CHSY3: variants seen among roughly 807,000 people sequenced by gnomAD.
CHSY3 encodes chondroitin sulfate synthase 3.
In CHSY3, 35 loss-of-function variants were observed where a neutral mutation model predicts 67.2. That is an observed-to-expected ratio of 0.52 (90% CI 0.40 to 0.69). The LOEUF (loss-of-function observed/expected upper bound fraction) is 0.69. CHSY3 is among the 30% of genes least tolerant of loss of function. The pLI, the probability that CHSY3 is intolerant of heterozygous loss-of-function variation, is 0.00. For missense variants in CHSY3, 1,069 were observed against 1,138.5 expected (o/e 0.94, Z 0.88); for synonymous variants, 474 against 434.7 (o/e 1.09, Z -1.12).
In CHSY3 at chr5:129,905,001, G is replaced by A. The variant is rs753796604; in HGVS notation, c.172G>A (p.Gly58Ser). The A allele has an allele frequency of 7.7e-6, 12 of 1,566,124 alleles. No individual in the cohort carries two copies. The highest frequency in any genetic ancestry group is 1.7e-4 in the Middle Eastern group (1 of 5,768). ...YGRSAAGPRA[G>S]AQQPLPQPQS... ...TCGCTCTGCTGCTGGCCCCCGCGCC[G>A]GCGCTCAGCAGCCGCTCCCCCAGCC... is the stretch of plus-strand genomic sequence containing the variant. Residue 58 changes from glycine to serine, a missense_variant, in exon 1 of 3, where the codon GGC becomes AGC. Physicochemically the swap from Gly to Ser is moderately conservative, Grantham distance 56. Coordinates refer to ENST00000305031, the MANE Select transcript of CHSY3 (RefSeq NM_175856.5).
At chr5:129,904,301 G>T (rs1359837609), upstream of CHSY3, among the ~76,000 whole-genome samples, 2 of 152,086 alleles carry the variant, frequency 1.3e-5, no homozygotes, top group Non-Finnish European at 2.9e-5. Context: ...GTCCAAGGGC[G>T]GGTGACGGGG....
intron 2 of CHSY3, among the ~76,000 whole-genome samples, chr5:130,093,167 C>A (rs1376079252): frequency 6.6e-6 from 1 of 152,068 alleles, no homozygotes; most frequent in African/African-American, 2.4e-5. Flanking sequence ...AGAGAGTTTT[C>A]TTATGACTAC....
chr5:130,163,346 AT>A (rs1183293318), intron 2 of CHSY3, among the ~76,000 whole-genome samples: 1 of 152,170 alleles, frequency 6.6e-6, no homozygotes, highest in Non-Finnish European at 1.5e-5. Context: ...TAATAGACAT[AT>A]ATATAGTAAT....
intron 2 of CHSY3, among the ~76,000 whole-genome samples, chr5:130,145,306 A>C (rs1769039906): frequency 6.6e-6 from 1 of 152,200 alleles, no homozygotes; most frequent in Admixed American, 6.5e-5. Flanking sequence ...AGCTATGTCT[A>C]ACTGATTTTT....
chr5:130,063,881 C>A (rs1765793957), intron 2 of CHSY3, among the ~76,000 whole-genome samples: 1 of 152,100 alleles, frequency 6.6e-6, no homozygotes, highest in Non-Finnish European at 1.5e-5. Flanking sequence ...GGCCTAATCA[C>A]CCCTAGAAGG....
Position 130,118,149 on chromosome 5 carries a change from C to T in CHSY3, c.1087-66080C>T, listed in dbSNP as rs147127491. 8.5e-5 allele frequency among the ~76,000 whole-genome samples: 13 copies of T among 152,284 alleles called. No homozygotes were observed. In the East Asian group the frequency reaches 2.5e-3, roughly 29 times the overall value. ...TCACTAGGAGCAGCTGCCAGCACCA[C>T]ACATCTTGTACAGCATGTAGAACTC... On this transcript the variant is annotated intron_variant, in intron 2 of 2. Transcript: ENST00000305031.
intron 2 of CHSY3, among the ~76,000 whole-genome samples, chr5:130,100,040 A>T (rs1435103941): frequency 6.6e-6 from 1 of 152,184 alleles, no homozygotes; most frequent in African/African-American, 2.4e-5. Context: ...TAGAAAATAG[A>T]TACTGTATTT....
chr5:130,153,076 C>A (rs1182714913), intron 2 of CHSY3, among the ~76,000 whole-genome samples: 8 of 151,976 alleles, frequency 5.3e-5, no homozygotes, highest in African/African-American at 1.9e-4. Flanking sequence ...ACTAAAAATA[C>A]AAAAATTAGC....
intron 2 of CHSY3, among the ~76,000 whole-genome samples, chr5:130,110,655 A>G (rs570068649): frequency 6.6e-6 from 1 of 151,936 alleles, no homozygotes; most frequent in Non-Finnish European, 1.5e-5. Context: ...ACTTAGATGA[A>G]AACTACTTCC....
intron 2 of CHSY3, among the ~76,000 whole-genome samples, chr5:130,161,802 G>T (rs1239821928): frequency 6.6e-6 from 1 of 152,090 alleles, no homozygotes; most frequent in Non-Finnish European, 1.5e-5. Context: ...ACTCTGGGAG[G>T]CTGAGGCTGG....
chr5:129,994,855 C>T (rs1033186300), intron 2 of CHSY3, among the ~76,000 whole-genome samples: 1 of 135,828 alleles, frequency 7.4e-6, no homozygotes, highest in Non-Finnish European at 1.5e-5. Context: ...AATGAGAACA[C>T]TTGGACACAG....
intron 2 of CHSY3, among the ~76,000 whole-genome samples, chr5:129,953,006 G>A (rs1463517681): frequency 6.6e-6 from 1 of 152,086 alleles, no homozygotes; most frequent in African/African-American, 2.4e-5. Flanking sequence ...TATACTTCAA[G>A]TTCTGGAATA....
chr5:130,119,069 A>G lies in CHSY3; in HGVS notation c.1087-65160A>G, dbSNP rs564491809. Among the ~76,000 whole-genome samples the G allele has an allele frequency of 2.0e-5, 3 of 152,232 alleles. No homozygotes were observed. In the South Asian group the frequency reaches 6.2e-4, roughly 32 times the overall value. On this transcript the variant is annotated intron_variant, in intron 2 of 2. Coordinates refer to ENST00000305031, the MANE Select transcript of CHSY3 (RefSeq NM_175856.5). Reference sequence around the variant, plus strand: ...AAAGGATATAAACAAACACTATCCTAGGAAGTTGAGGAAATGTGGTCATTC... The same window carrying G: ...AAAGGATATAAACAAACACTATCCTGGGAAGTTGAGGAAATGTGGTCATTC...
intron 2 of CHSY3, among the ~76,000 whole-genome samples, chr5:130,149,029 T>C (rs1179609800): frequency 2.6e-5 from 4 of 152,222 alleles, no homozygotes; most frequent in African/African-American, 9.6e-5. Flanking sequence ...TAGTTTTGTG[T>C]TTTACATTTA....
intron 2 of CHSY3, among the ~76,000 whole-genome samples, chr5:130,016,316 G>C (rs1485498991): frequency 6.6e-6 from 1 of 152,254 alleles, no homozygotes; most frequent in Non-Finnish European, 1.5e-5. Context: ...TATGTAGACA[G>C]TGTCTGGAGT....
intron 2 of CHSY3, among the ~76,000 whole-genome samples, chr5:130,052,499 C>A (rs2149672195): frequency 6.6e-6 from 1 of 152,256 alleles, no homozygotes; most frequent in East Asian, 1.9e-4. Context: ...CATGGCACTG[C>A]TCATGCCAGT....
At chr5:129,950,071 G>A (rs534915162) in intron 2 of CHSY3, among the ~76,000 whole-genome samples, 2 of 151,792 alleles carry the variant, frequency 1.3e-5, no homozygotes, top group East Asian at 3.9e-4. Context: ...GGCTGAGTGA[G>A]GCAGGAGAAT....
chr5:130,074,227 C>G (rs143313187), intron 2 of CHSY3, among the ~76,000 whole-genome samples: 4 of 151,894 alleles, frequency 2.6e-5, no homozygotes, highest in Non-Finnish European at 4.4e-5. Flanking sequence ...CACGCCATGA[C>G]GCCTAGCTAA....
intron 2 of CHSY3, among the ~76,000 whole-genome samples, chr5:130,090,658 A>C (rs1444093626): frequency 6.6e-6 from 1 of 152,104 alleles, no homozygotes; most frequent in Admixed American, 6.6e-5. Context: ...TTGTTGCATT[A>C]CTCACTCATT....
Sources: gnomAD v4.1 joint callset for allele counts (sites outside exome capture counted in the v4.1 genomes callset) on GRCh38, gnomAD v4.1.1 for gene constraint, MANE v1.5 for transcripts, NCBI Gene and HGNC (gene_info 2026-07-23, HGNC 2026-07-21) for gene names.